The following GRID2 variants were observed in gnomAD, a reference collection of about 807,000 sequenced individuals.
The protein encoded by GRID2 is glutamate receptor ionotropic, delta-2.
Under a neutral mutation model 114.8 loss-of-function variants are expected in GRID2, and 33 were observed. The ratio of observed to expected loss-of-function variants is 0.29; its 90% CI spans 0.22 to 0.38. The LOEUF is 0.38. Among genes scored for constraint, GRID2 ranks in the 10% least tolerant of loss-of-function variants. GRID2 has a pLI of 1.00. For missense variants in GRID2, 1,184 were observed against 1,257.7 expected, an observed-to-expected ratio of 0.94 and a Z score of 0.89; for synonymous variants, 505 against 449.9, an observed-to-expected ratio of 1.12 and a Z score of -1.55.
intron 14 of GRID2, among the ~76,000 whole-genome samples, chr4:93,687,904 G>T (rs539466346): frequency 3.3e-5 from 5 of 151,980 alleles, no homozygotes; most frequent in Admixed American, 2.6e-4. Context: ...TAGTAGAGAG[G>T]CAAAGACGGA....
intron 1 of GRID2, among the ~76,000 whole-genome samples, chr4:92,336,337 C>T (rs1179196965): frequency 6.6e-6 from 1 of 152,142 alleles, no homozygotes; most frequent in Admixed American, 6.6e-5. Context: ...TGCTTGAAGC[C>T]TCCTTTATTC....
intron 2 of GRID2, among the ~76,000 whole-genome samples, chr4:93,043,350 CA>C (rs1472049411): frequency 3.9e-5 from 6 of 151,984 alleles, no homozygotes; most frequent in Admixed American, 3.9e-4. Context: ...TCCTTGCCCT[CA>C]ATAAACTTAT....
At chr4:93,282,930 C>G (rs932976664) in intron 8 of GRID2, among the ~76,000 whole-genome samples, 3 of 151,860 alleles carry the variant, frequency 2.0e-5, no homozygotes, top group Non-Finnish European at 2.9e-5. Flanking sequence ...TTTAATCATC[C>G]AGCTCTCACA....
chr4:92,783,830 T>C (rs1739195759), intron 2 of GRID2, among the ~76,000 whole-genome samples: 1 of 151,924 alleles, frequency 6.6e-6, no homozygotes, highest in Non-Finnish European at 1.5e-5. Flanking sequence ...GAGGTTACAG[T>C]GAGTTATGAT....
intron 13 of GRID2, among the ~76,000 whole-genome samples, chr4:93,619,307 T>G (rs1741996707): frequency 6.6e-6 from 1 of 152,232 alleles, no homozygotes; most frequent in South Asian, 2.1e-4. Context: ...ATTATTAATT[T>G]GCCCAAAGTG....
chr4:92,730,060 G>A (rs188996641), intron 2 of GRID2, among the ~76,000 whole-genome samples: 6 of 152,006 alleles, frequency 3.9e-5, no homozygotes, highest in Non-Finnish European at 8.8e-5. Context: ...TCTTGTATTA[G>A]TTGCTAAACT....
intron 2 of GRID2, among the ~76,000 whole-genome samples, chr4:92,896,649 T>C (rs1442884769): frequency 3.9e-5 from 6 of 152,192 alleles, no homozygotes; most frequent in African/African-American, 1.2e-4. Flanking sequence ...ATTTACATCA[T>C]AACAATTTCT....
At chr4:93,307,276 A>T (rs1755539082) in intron 8 of GRID2, among the ~76,000 whole-genome samples, 1 of 152,012 alleles carries the variant, frequency 6.6e-6, no homozygotes, top group African/African-American at 2.4e-5. Flanking sequence ...GTATTGTGGT[A>T]TTTTTCAGAC....
chr4:92,941,001 T>G (rs1416519651), intron 2 of GRID2, among the ~76,000 whole-genome samples: 1 of 152,208 alleles, frequency 6.6e-6, no homozygotes, highest in Non-Finnish European at 1.5e-5. Flanking sequence ...TGCATTGATG[T>G]TCATGAGGGA....
chr4:92,521,021 G>A (rs911522712), intron 1 of GRID2, among the ~76,000 whole-genome samples: 3 of 151,742 alleles, frequency 2.0e-5, no homozygotes, highest in South Asian at 2.1e-4. Context: ...AACAATTACC[G>A]TTCATAAGTA....
chr4:93,315,021 G>A (rs531158460), intron 8 of GRID2, among the ~76,000 whole-genome samples: 15 of 152,206 alleles, frequency 9.9e-5, no homozygotes, highest in Non-Finnish European at 1.3e-4. Flanking sequence ...TTGACTCACC[G>A]TTTTGCCTGG....
chr4:92,964,917 T>C (rs1753042275), intron 2 of GRID2, among the ~76,000 whole-genome samples: 1 of 152,048 alleles, frequency 6.6e-6, no homozygotes, highest in Admixed American at 6.6e-5. Flanking sequence ...ACTATAATAG[T>C]ACATTTAATT....
At chr4:93,493,399 A>G (rs1320630743) in intron 12 of GRID2, among the ~76,000 whole-genome samples, 2 of 151,738 alleles carry the variant, frequency 1.3e-5, no homozygotes, top group Non-Finnish European at 2.9e-5. Context: ...TAATACAAGT[A>G]CTCTTCTTAT....
At chr4:92,339,825 G>A (rs922609812) in intron 1 of GRID2, among the ~76,000 whole-genome samples, 1 of 152,140 alleles carries the variant, frequency 6.6e-6, no homozygotes, top group Non-Finnish European at 1.5e-5. Flanking sequence ...GGTTTCCCTT[G>A]CCAAGTTATT....
rs1303945496 is a variant in GRID2 at position 93,590,090 on chromosome 4, G to T, written c.2194-36179G>T. Among the ~76,000 whole-genome samples, 837 of 150,280 alleles carry T rather than the reference G, an allele frequency of 5.6e-3. 11 individuals carry two copies. Among genetic ancestry groups the T allele is most frequent in the African/African-American group, 0.019 (771 of 41,144 alleles). On this transcript the variant is annotated intron_variant, in intron 13 of 15. Coordinates refer to ENST00000282020, the MANE Select transcript of GRID2 (RefSeq NM_001510.4). The stretch of plus-strand genomic sequence containing the variant: ...CCATTTGTCAGTTTTGTCTTTTGTT[G>T]TCATTGCTTTTGGTGTTTTAGACAT...
chr4:92,776,249 G>A (rs1202564975), intron 2 of GRID2, among the ~76,000 whole-genome samples: 2 of 152,046 alleles, frequency 1.3e-5, no homozygotes, highest in African/African-American at 2.4e-5. Context: ...CAAGATACCA[G>A]TATACTGATA....
chr4:93,078,308 A>G (rs1334650832), intron 2 of GRID2, among the ~76,000 whole-genome samples: 3 of 152,116 alleles, frequency 2.0e-5, no homozygotes, highest in Non-Finnish European at 4.4e-5. Flanking sequence ...TCTCTAGTTG[A>G]GGAAAAATGT....
At chr4:92,862,049 T>C (rs1427806965) in intron 2 of GRID2, among the ~76,000 whole-genome samples, 1 of 151,994 alleles carries the variant, frequency 6.6e-6, no homozygotes, top group Non-Finnish European at 1.5e-5. Context: ...TAATGGGTGC[T>C]CAATAAATGC....
At chr4:93,741,631 AAT>A (rs542252731) in intron 14 of GRID2, among the ~76,000 whole-genome samples, 99 of 152,268 alleles carry the variant, frequency 6.5e-4, no homozygotes, top group Non-Finnish European at 1.2e-3. Flanking sequence ...TTTTTGATGA[AAT>A]GTTAAAAGTG....
Sources: allele counts gnomAD v4.1 joint callset (sites outside exome capture counted in the v4.1 genomes callset), GRCh38; gene constraint gnomAD v4.1.1; transcripts MANE v1.5; gene names NCBI Gene and HGNC (gene_info 2026-07-23, HGNC 2026-07-21).